GPC5: variants seen among roughly 807,000 people sequenced by gnomAD.
The protein encoded by GPC5 is glypican 5, also known as glypican-5.
In GPC5, 47 loss-of-function variants were observed where a neutral mutation model predicts 53.9. The ratio of observed to expected loss-of-function variants is 0.87; its 90% CI spans 0.69 to 1.11. The LOEUF is 1.11. Ranked by LOEUF, GPC5 falls within the 50% of genes most tolerant of loss-of-function variation. GPC5 has a pLI of 0.00. For synonymous variants in GPC5, 286 were observed against 263.3 expected (o/e 1.09, Z -0.84); for missense variants, 748 against 713.1 (o/e 1.05, Z -0.56).
At chr13:92,457,834 T>G (rs1878330135) in intron 7 of GPC5, among the ~76,000 whole-genome samples, 1 of 152,214 alleles carries the variant, frequency 6.6e-6, no homozygotes, top group Non-Finnish European at 1.5e-5. Flanking sequence ...ATTCCTGATT[T>G]ATTGACCCTT....
intron 7 of GPC5, among the ~76,000 whole-genome samples, chr13:92,758,683 A>T (rs1312577345): frequency 6.6e-6 from 1 of 152,058 alleles, no homozygotes; most frequent in Admixed American, 6.6e-5. Context: ...AAATAATCCC[A>T]TTTCTCTTCT....
intron 2 of GPC5, among the ~76,000 whole-genome samples, chr13:91,464,084 C>T (rs78338020): frequency 0.023 from 3,456 of 152,064 alleles, 64 homozygotes; most frequent in South Asian, 0.039. Context: ...TATGAATAGA[C>T]ATTTTACAGA....
Position 92,257,546 on chromosome 13 carries a change from ATTTT to A in GPC5, c.1561+112575_1561+112578del, listed in dbSNP as rs398023955. Among the ~76,000 whole-genome samples the A allele has an allele frequency of 2.6e-3, 187 of 72,954 alleles. 7 individuals are homozygous for A. Among genetic ancestry groups the A allele is most frequent in the Non-Finnish European group, 2.2e-3 (95 of 43,280 alleles). 47.9% of individuals were successfully genotyped at this position (72,954 alleles called of 152,430 possible). A position where few individuals can be genotyped will look rare whatever the true frequency, so the allele number is the denominator to read the frequency against. Reference sequence around the variant, plus strand: ...AGTGAGAGAGGTTTCTAATACAGGGATTTTTTTTTTTTTTTTTTTTTGGGGACAG... The same window carrying A: ...AGTGAGAGAGGTTTCTAATACAGGGATTTTTTTTTTTTTTTTTGGGGACAG... On this transcript the variant is annotated intron_variant, in intron 7 of 7. Transcript: ENST00000377067.
chr13:91,908,089 T>C lies in GPC5; in HGVS notation c.1401+32T>C, dbSNP rs187710920. On this transcript the variant is annotated intron_variant, in intron 6 of 7. Coordinates refer to ENST00000377067, the MANE Select transcript of GPC5 (RefSeq NM_004466.6). ...CCTGATCCTATATTTATTAGTATACTCAGTCATAAATAATAAGTGGTTACT... is the reference window on the plus strand; with the variant it reads ...CCTGATCCTATATTTATTAGTATACCCAGTCATAAATAATAAGTGGTTACT... 1.4e-4 allele frequency: 195 copies of C among 1,409,580 alleles called. 1 individual carries two copies. In the East Asian group the frequency reaches 4.4e-3, roughly 31 times the overall value. The allele number at this position is 1,409,580 out of a possible 1,614,324, so 87.3% of individuals were successfully genotyped here.
At chr13:91,821,867 G>A (rs994105284) in intron 5 of GPC5, among the ~76,000 whole-genome samples, 9 of 152,034 alleles carry the variant, frequency 5.9e-5, no homozygotes, top group African/African-American at 1.7e-4. Context: ...ATAGAATCTG[G>A]CTTGAGGTTT....
At chr13:92,307,405 G>C (rs1566530879) in intron 7 of GPC5, among the ~76,000 whole-genome samples, 1 of 152,194 alleles carries the variant, frequency 6.6e-6, no homozygotes, top group Non-Finnish European at 1.5e-5. Context: ...AGTGAGCCGA[G>C]ATCGTGCCAT....
intron 7 of GPC5, among the ~76,000 whole-genome samples, chr13:92,572,065 A>G (rs1883042583): frequency 6.6e-6 from 1 of 152,186 alleles, no homozygotes; most frequent in African/African-American, 2.4e-5. Flanking sequence ...GCTGTTAGCC[A>G]TGTGAAATCT....
intron 2 of GPC5, among the ~76,000 whole-genome samples, chr13:91,495,910 C>A (rs1440773419): frequency 6.6e-6 from 1 of 152,086 alleles, no homozygotes; most frequent in Non-Finnish European, 1.5e-5. Context: ...GTAATCCCAG[C>A]TACTTGGGAA....
In GPC5 at chr13:92,223,031, C is replaced by T. The variant is rs190417768; in HGVS notation, c.1561+78042C>T. Among the ~76,000 whole-genome samples the T allele has an allele frequency of 5.8e-4, 88 of 151,886 alleles. 1 individual carries two copies. In the South Asian group the frequency reaches 0.014, roughly 24 times the overall value. On this transcript the variant is annotated intron_variant, in intron 7 of 7. Coordinates refer to ENST00000377067, the MANE Select transcript of GPC5 (RefSeq NM_004466.6). ...AGATTTTTTATGAGGACTATAATCCCGAATATAATTTTATTTCATCCACAT... is the reference window on the plus strand; with the variant it reads ...AGATTTTTTATGAGGACTATAATCCTGAATATAATTTTATTTCATCCACAT...
At chr13:92,355,563 C>T (rs1011515308) in intron 7 of GPC5, among the ~76,000 whole-genome samples, 1 of 152,074 alleles carries the variant, frequency 6.6e-6, no homozygotes, top group African/African-American at 2.4e-5. Flanking sequence ...CCTGTTTTTC[C>T]CCTTTATTTA....
chr13:91,535,562 C>A (rs1322225169), intron 2 of GPC5, among the ~76,000 whole-genome samples: 2 of 152,046 alleles, frequency 1.3e-5, no homozygotes, highest in African/African-American at 4.8e-5. Flanking sequence ...ATTCAAAAAA[C>A]CAATTATTCC....
chr13:92,080,330 G>A (rs1215598043), intron 6 of GPC5, among the ~76,000 whole-genome samples: 1 of 152,122 alleles, frequency 6.6e-6, no homozygotes, highest in Admixed American at 6.6e-5. Flanking sequence ...TGGCTTCCAA[G>A]CAGGTGCTCC....
chr13:91,445,647 G>A (rs1463920887), intron 1 of GPC5, among the ~76,000 whole-genome samples: 1 of 151,952 alleles, frequency 6.6e-6, no homozygotes, highest in African/African-American at 2.4e-5. Flanking sequence ...GCTAATTTTT[G>A]TAGTTTTAGT....
intron 5 of GPC5, among the ~76,000 whole-genome samples, chr13:91,874,552 C>T (rs2039181949): frequency 6.6e-6 from 1 of 151,968 alleles, no homozygotes; most frequent in Admixed American, 6.6e-5. Flanking sequence ...TTTTGACTAC[C>T]CTTCTGTTGA....
At chr13:92,611,636 T>C (rs1884440497) in intron 7 of GPC5, among the ~76,000 whole-genome samples, 2 of 152,210 alleles carry the variant, frequency 1.3e-5, no homozygotes. Context: ...TGCAAATGAC[T>C]GTTTAATGCT....
At chr13:92,815,354 G>A (rs1397000047) in intron 7 of GPC5, among the ~76,000 whole-genome samples, 1 of 151,964 alleles carries the variant, frequency 6.6e-6, no homozygotes, top group East Asian at 1.9e-4. Context: ...ATAAGACATA[G>A]AGGAGAGCCT....
chr13:91,950,610 A>G lies in GPC5; in HGVS notation c.1401+42553A>G, dbSNP rs138145043. ...TCTTCCTTAAAGTTAGAATAAAAATACCAAATTCCTGTGTTTCATGAGAGT... is the reference window on the plus strand; with the variant it reads ...TCTTCCTTAAAGTTAGAATAAAAATGCCAAATTCCTGTGTTTCATGAGAGT... On this transcript the variant is annotated intron_variant, in intron 6 of 7. Coordinates refer to ENST00000377067, the MANE Select transcript of GPC5 (RefSeq NM_004466.6). Among the ~76,000 whole-genome samples, 41 of 152,318 alleles carry G rather than the reference A, an allele frequency of 2.7e-4. No homozygotes were observed. The East Asian group carries it at 7.7e-3, about 29-fold the overall frequency.
chr13:92,792,744 G>A (rs923917809), intron 7 of GPC5, among the ~76,000 whole-genome samples: 3 of 152,158 alleles, frequency 2.0e-5, no homozygotes, highest in Admixed American at 6.5e-5. Flanking sequence ...CCTAGTCTCT[G>A]TTAAAACAGA....
At chr13:91,843,656 G>C (rs563174909) in intron 5 of GPC5, among the ~76,000 whole-genome samples, 1 of 152,290 alleles carries the variant, frequency 6.6e-6, no homozygotes, top group African/African-American at 2.4e-5. Context: ...AGAGCCAGAA[G>C]ACATCTTTTG....
Sources: gnomAD v4.1 joint callset for allele counts (sites outside exome capture counted in the v4.1 genomes callset) on GRCh38, gnomAD v4.1.1 for gene constraint, MANE v1.5 for transcripts, NCBI Gene and HGNC (gene_info 2026-07-23, HGNC 2026-07-21) for gene names.